RABGAP1L: variants seen among roughly 807,000 people sequenced by gnomAD.
RABGAP1L encodes the protein RAB GTPase activating protein 1 like.
In RABGAP1L, 63 loss-of-function variants were observed where a neutral mutation model predicts 137.7. The observed-to-expected ratio is 0.46, with a 90% CI of 0.37 to 0.56. The LOEUF (loss-of-function observed/expected upper bound fraction) is 0.56. Ranked by LOEUF, RABGAP1L falls within the 20% of genes least tolerant of loss-of-function variation. The probability of loss-of-function intolerance (pLI) is 0.00; values close to 1 mark genes in which losing one functional copy is unlikely to be tolerated. For missense variants in RABGAP1L, 1,095 were observed against 1,244.0 expected (o/e 0.88, Z 1.80); for synonymous variants, 431 against 433.7 (o/e 0.99, Z 0.08).
intron 17 of RABGAP1L, among the ~76,000 whole-genome samples, chr1:174,720,809 G>C (rs948533997): frequency 2.6e-5 from 4 of 152,210 alleles, no homozygotes; most frequent in Admixed American, 2.6e-4. Flanking sequence ...TTCTTTTGGA[G>C]ATGATGCAAT....
At chr1:174,502,514 A>T (rs1280353835) in intron 13 of RABGAP1L, among the ~76,000 whole-genome samples, 4 of 150,142 alleles carry the variant, frequency 2.7e-5, no homozygotes, top group Non-Finnish European at 5.9e-5. Flanking sequence ...CACAAAACAG[A>T]AAAAAAGGAA....
At chr1:174,720,769 T>C (rs1220958540) in intron 17 of RABGAP1L, among the ~76,000 whole-genome samples, 1 of 152,164 alleles carries the variant, frequency 6.6e-6, no homozygotes, top group Non-Finnish European at 1.5e-5. Context: ...AGAGGAGGGA[T>C]TGACGAGTGA....
intron 10 of RABGAP1L, among the ~76,000 whole-genome samples, chr1:174,298,456 T>C (rs1197353398): frequency 6.6e-6 from 1 of 152,228 alleles, no homozygotes; most frequent in Non-Finnish European, 1.5e-5. Context: ...GGGCTTGGCT[T>C]AATAGGAAGG....
intron 13 of RABGAP1L, among the ~76,000 whole-genome samples, chr1:174,563,852 C>A (rs1667388343): frequency 6.6e-6 from 1 of 152,146 alleles, no homozygotes. Context: ...TCTACCCAGG[C>A]TACACATTTA....
intron 18 of RABGAP1L, among the ~76,000 whole-genome samples, chr1:174,785,278 G>C (rs887254460): frequency 3.9e-5 from 6 of 152,080 alleles, no homozygotes; most frequent in Non-Finnish European, 8.8e-5. Flanking sequence ...TGGCCAGGCT[G>C]GTCTCAAACT....
In RABGAP1L at chr1:174,684,233, A is replaced by C. The variant is rs1193032798; in HGVS notation, c.1899+637A>C. On this transcript the variant is annotated intron_variant, in intron 15 of 25. Transcript: ENST00000681986. ...TGAAAGTGATACACAGGTTAAGAGA[A>C]TAGAGAGGAGAATTACCCAACCAAG... is the stretch of plus-strand genomic sequence containing the variant. Among the ~76,000 whole-genome samples the C allele has an allele frequency of 3.9e-5, 6 of 152,224 alleles. 1 individual carries two copies. The East Asian group carries it at 1.2e-3, about 29-fold the overall frequency.
At chr1:174,377,563 C>G (rs1206342989) in intron 12 of RABGAP1L, among the ~76,000 whole-genome samples, 1 of 152,064 alleles carries the variant, frequency 6.6e-6, no homozygotes, top group Non-Finnish European at 1.5e-5. Flanking sequence ...CAGACATTTT[C>G]TAAAGAAGAC....
intron 13 of RABGAP1L, among the ~76,000 whole-genome samples, chr1:174,440,057 TGGC>T (rs1653938698): frequency 6.6e-6 from 1 of 152,216 alleles, no homozygotes; most frequent in Non-Finnish European, 1.5e-5. Flanking sequence ...AGAAGTGTGA[TGGC>T]CTAGTAAGCA....
At chr1:174,597,476 T>G (rs961930423) in intron 13 of RABGAP1L, among the ~76,000 whole-genome samples, 1 of 152,142 alleles carries the variant, frequency 6.6e-6, no homozygotes, top group Non-Finnish European at 1.5e-5. Flanking sequence ...GTCCATTTCT[T>G]CTAGGTTTTC....
intron 19 of RABGAP1L, among the ~76,000 whole-genome samples, chr1:174,931,989 GGTTTTTTTT>G (rs1204520824): frequency 4.7e-4 from 44 of 94,162 alleles, no homozygotes; most frequent in South Asian, 3.2e-3. Flanking sequence ...CTGCTTTTTT[GGTTTTTTTT>G]TTTTTTTTTT....
At chr1:174,748,064 T>G (rs1425291903) in intron 17 of RABGAP1L, among the ~76,000 whole-genome samples, 3 of 152,210 alleles carry the variant, frequency 2.0e-5, no homozygotes, top group African/African-American at 4.8e-5. Context: ...ATAAAAAGTT[T>G]AGCAAAGTTT....
chr1:174,314,835 C>T (rs540812433), intron 11 of RABGAP1L, among the ~76,000 whole-genome samples: 120 of 152,150 alleles, frequency 7.9e-4, no homozygotes, highest in Admixed American at 1.7e-3. Flanking sequence ...TAGTTTTATT[C>T]CACTGTGGTC....
chr1:174,534,670 G>A (rs1664740571), intron 13 of RABGAP1L, among the ~76,000 whole-genome samples: 2 of 150,428 alleles, frequency 1.3e-5, no homozygotes. Flanking sequence ...ATCTACTCGG[G>A]AGGCTGAGGC....
At chr1:174,642,666 C>CCTCCT (rs148571292) in intron 14 of RABGAP1L, among the ~76,000 whole-genome samples, 10 of 148,940 alleles carry the variant, frequency 6.7e-5, no homozygotes, top group South Asian at 2.2e-4. Context: ...CACCCTCTCC[C>CCTCCT]CTCCTCTCCT....
intron 3 of RABGAP1L, among the ~76,000 whole-genome samples, chr1:174,230,808 C>T (rs1026384627): frequency 9.2e-5 from 14 of 152,018 alleles, no homozygotes; most frequent in African/African-American, 3.4e-4. Context: ...TTCTGTTGTT[C>T]TTTTACATAC....
chr1:174,904,984 A>G lies in RABGAP1L; in HGVS notation c.2341-52473A>G, dbSNP rs116341348. 3.8e-3 allele frequency among the ~76,000 whole-genome samples: 576 copies of G among 152,228 alleles called. 4 individuals are homozygous for G. The highest frequency in any genetic ancestry group is 0.013 in the African/African-American group (551 of 41,528). On this transcript the variant is annotated intron_variant, in intron 19 of 25. Transcript: ENST00000681986. Reference sequence around the variant, plus strand: ...GTTCCTTGGACAGGAACCTCTAGCCAGCCTTCTCACACTGCTGGGATAATC... The same window carrying G: ...GTTCCTTGGACAGGAACCTCTAGCCGGCCTTCTCACACTGCTGGGATAATC...
At chr1:174,281,184 G>A (rs1359345179) in intron 10 of RABGAP1L, among the ~76,000 whole-genome samples, 2 of 152,166 alleles carry the variant, frequency 1.3e-5, no homozygotes, top group Non-Finnish European at 2.9e-5. Flanking sequence ...CAGAGTGGAA[G>A]AGGACCCGAG....
chr1:174,203,955 T>TG (rs1177712158), intron 1 of RABGAP1L, among the ~76,000 whole-genome samples: 1 of 151,742 alleles, frequency 6.6e-6, no homozygotes, highest in East Asian at 1.9e-4. Context: ...TTTTTTTTTT[T>TG]TTAAAGATAG....
At chr1:174,851,893 A>G (rs1648426545) in intron 19 of RABGAP1L, among the ~76,000 whole-genome samples, 1 of 152,124 alleles carries the variant, frequency 6.6e-6, no homozygotes, top group Non-Finnish European at 1.5e-5. Context: ...CTGGATTTAA[A>G]TGGTCATGAG....
Sources: allele counts gnomAD v4.1 joint callset (sites outside exome capture counted in the v4.1 genomes callset), GRCh38; gene constraint gnomAD v4.1.1; transcripts MANE v1.5; gene names NCBI Gene and HGNC (gene_info 2026-07-23, HGNC 2026-07-21).